SMYD1: variants seen among roughly 807,000 people sequenced by gnomAD.
The protein encoded by SMYD1 is SET and MYND domain containing 1.
In SMYD1, 49 loss-of-function variants were observed where a neutral mutation model predicts 54.0. The observed-to-expected ratio is 0.91, with a 90% CI of 0.72 to 1.15. SMYD1 has a LOEUF of 1.15. Among genes scored for constraint, SMYD1 ranks in the 50% most tolerant of loss-of-function variants. SMYD1 has a pLI of 0.00. For synonymous variants in SMYD1, 269 were observed against 234.2 expected (o/e 1.15, Z -1.36); for missense variants, 653 against 639.6 (o/e 1.02, Z -0.23).
At chr2:88,074,779 A>G (rs1171639932) in intron 1 of SMYD1, among the ~76,000 whole-genome samples, 1 of 152,242 alleles carries the variant, frequency 6.6e-6, no homozygotes, top group Non-Finnish European at 1.5e-5. Flanking sequence ...AGTGGGGAAC[A>G]TGAGAAAAAG....
chr2:88,106,183 A>C (rs1331088290), intron 7 of SMYD1, 142 bp from the exon 8 acceptor site: 1 of 1,135,010 alleles, frequency 8.8e-7, no homozygotes, highest in East Asian at 2.6e-5. Flanking sequence ...TCATACCCCA[A>C]ACCTGTGCTT....
rs762034748 is a variant in SMYD1, at chr2:88,084,493, G to A, written c.314+1G>A. The A allele has an allele frequency of 1.3e-6, 2 of 1,576,036 alleles. No homozygotes were observed. Among genetic ancestry groups the A allele is most frequent in the Non-Finnish European group, 8.7e-7 (1 of 1,149,364 alleles). ...GGAAGGTGCCCAATGAGAACATCAG[G>A]TGAGAGCTGGGCACCCTGGTGGTGC... On this transcript the variant is annotated splice_donor_variant, in intron 2 of 9. Coordinates refer to ENST00000419482, the MANE Select transcript of SMYD1 (RefSeq NM_198274.4). LOFTEE classifies it high-confidence loss of function.
chr2:88,068,922 C>T (rs1055931102), intron 1 of SMYD1, among the ~76,000 whole-genome samples: 1 of 151,998 alleles, frequency 6.6e-6, no homozygotes, highest in Admixed American at 6.6e-5. Flanking sequence ...AATCCTTGAT[C>T]GTGTCTACCT....
At chr2:88,080,155 A>G (rs946779810) in intron 1 of SMYD1, among the ~76,000 whole-genome samples, 5 of 152,302 alleles carry the variant, frequency 3.3e-5, no homozygotes, top group East Asian at 1.9e-4. Context: ...TATGTCTCCA[A>G]TCCTTGTGAT....
At chr2:88,093,796 C>T (rs1191681911) in intron 5 of SMYD1, among the ~76,000 whole-genome samples, 3 of 152,118 alleles carry the variant, frequency 2.0e-5, no homozygotes, top group Admixed American at 2.0e-4. Context: ...GCCTCACTTC[C>T]ACTGCTCTTC....
Position 88,087,855 on chromosome 2 carries a change from C to T in SMYD1, c.315-7C>T. 6.4e-7 allele frequency: 1 copy of T among 1,561,662 alleles called. No individual in the cohort carries two copies. The highest frequency in any genetic ancestry group is 8.7e-7 in the Non-Finnish European group (1 of 1,153,198). On this transcript the variant is annotated splice_region_variant and splice_polypyrimidine_tract_variant and intron_variant, in intron 2 of 9. Coordinates refer to ENST00000419482, the MANE Select transcript of SMYD1 (RefSeq NM_198274.4). ...GTAGTGGCCTCCTGACGCTGCCCTT[C>T]CCACAGGCTGGCGGCGCGCATCATG...
intron 1 of SMYD1, among the ~76,000 whole-genome samples, chr2:88,069,809 A>G (rs1205768524): frequency 6.6e-6 from 1 of 152,218 alleles, no homozygotes; most frequent in African/African-American, 2.4e-5. Context: ...TACTCATTAT[A>G]CAAGCTATTA....
intron 4 of SMYD1, among the ~76,000 whole-genome samples, chr2:88,091,811 C>A (rs528858343): frequency 1.3e-5 from 2 of 152,322 alleles, no homozygotes. Context: ...CTGCAGTGAA[C>A]TATAATCATG....
At chr2:88,084,238 G>C (rs1312808581) in intron 1 of SMYD1, 78 bp from the exon 2 acceptor site, 2 of 1,287,466 alleles carry the variant, frequency 1.6e-6, no homozygotes, top group Non-Finnish European at 2.1e-6. Flanking sequence ...ACCAGTACTG[G>C]AACACAGGTG....
chr2:88,073,262 A>T (rs1289524756), intron 1 of SMYD1, among the ~76,000 whole-genome samples: 4 of 152,202 alleles, frequency 2.6e-5, no homozygotes, highest in Non-Finnish European at 5.9e-5. Flanking sequence ...ACAGCTGTGT[A>T]GTATTACAGG....
chr2:88,113,379 A>G lies in SMYD1; in HGVS notation c.*2867A>G, dbSNP rs1675073720. On this transcript the variant is annotated 3_prime_UTR_variant, in exon 10 of 10. Coordinates refer to ENST00000419482, the MANE Select transcript of SMYD1 (RefSeq NM_198274.4). ...TCCTATTAAATACTTTGTGTTTCCA[A>G]GCAAATAAGTGTGGCTTCTTTCTTT... 6.6e-6 allele frequency: 1 copy of G among 152,208 alleles called. No individual in the cohort carries two copies. The highest frequency in any genetic ancestry group is 2.1e-4 in the South Asian group (1 of 4,832). 9.4% of individuals were successfully genotyped at this position (152,208 alleles called of 1,614,324 possible). A position where few individuals can be genotyped will look rare whatever the true frequency, so the allele number is the denominator to read the frequency against.
At chr2:88,109,288 C>A (rs1674956798) in intron 9 of SMYD1, among the ~76,000 whole-genome samples, 1 of 109,816 alleles carries the variant, frequency 9.1e-6, no homozygotes, top group Admixed American at 8.4e-5. Context: ...ATGCACACAG[C>A]CATTTATATT....
In SMYD1 at chr2:88,110,673, C is replaced by A; in HGVS notation, c.*161C>A. 1 of 838,734 alleles carries A rather than the reference C, an allele frequency of 1.2e-6. No individual in the cohort carries two copies. The highest frequency in any genetic ancestry group is 1.7e-6 in the Non-Finnish European group (1 of 571,846). 52.0% of individuals were successfully genotyped at this position (838,734 alleles called of 1,614,324 possible). A position where few individuals can be genotyped will look rare whatever the true frequency, so the allele number is the denominator to read the frequency against. On this transcript the variant is annotated 3_prime_UTR_variant, in exon 10 of 10. Coordinates refer to ENST00000419482, the MANE Select transcript of SMYD1 (RefSeq NM_198274.4). ...TATGTTTCCCAGAGCCATTTTGGCT[C>A]AATTCAAGTCTATTCAATTCAAGTT...
chr2:88,086,667 T>G (rs1674333601), intron 2 of SMYD1, among the ~76,000 whole-genome samples: 1 of 152,166 alleles, frequency 6.6e-6, no homozygotes, highest in Admixed American at 6.5e-5. Context: ...CTTCTCCACT[T>G]TCTCACTCCC....
chr2:88,108,470 G>T lies in SMYD1; in HGVS notation c.1245G>T (p.Met415Ile). The part of the protein sequence containing the change: ...HAGNIEVGHG[M>I]ICKAYAILLV... Reference sequence around the variant, plus strand: ...GTAACATTGAGGTGGGGCACGGGATGATCTGCAAAGCCTATGCCATTCTCC... The same window carrying T: ...GTAACATTGAGGTGGGGCACGGGATTATCTGCAAAGCCTATGCCATTCTCC... Residue 415 changes from methionine to isoleucine, a missense_variant, in exon 9 of 10, where the codon ATG becomes ATT. Physicochemically the swap from Met to Ile is conservative, Grantham distance 10. Transcript: ENST00000419482. The T allele has an allele frequency of 6.2e-7, 1 of 1,612,670 alleles. No homozygotes were observed. Among genetic ancestry groups the T allele is most frequent in the Non-Finnish European group, 8.5e-7 (1 of 1,179,456 alleles).
At chr2:88,104,522 T>C (rs1389930841) in intron 7 of SMYD1, among the ~76,000 whole-genome samples, 1 of 152,218 alleles carries the variant, frequency 6.6e-6, no homozygotes, top group African/African-American at 2.4e-5. Flanking sequence ...TCCTGTTCGT[T>C]TCTTCTCCTT....
At chr2:88,109,481 G>A (rs1432286819) in intron 9 of SMYD1, among the ~76,000 whole-genome samples, 1 of 152,174 alleles carries the variant, frequency 6.6e-6, no homozygotes, top group Non-Finnish European at 1.5e-5. Context: ...GCGTGTTCAT[G>A]AGTCAATGTG....
chr2:88,107,017 G>T (rs1394481269), intron 8 of SMYD1, among the ~76,000 whole-genome samples: 1 of 152,006 alleles, frequency 6.6e-6, no homozygotes. Context: ...CGGCTAACAT[G>T]GTGAAACCCC....
At chr2:88,104,067 C>T (rs189668608) in intron 7 of SMYD1, among the ~76,000 whole-genome samples, 8 of 151,560 alleles carry the variant, frequency 5.3e-5, no homozygotes, top group East Asian at 2.0e-4. Context: ...CCCAGGTTCA[C>T]GCCATTCTCC....
Sources: allele counts gnomAD v4.1 joint callset (sites outside exome capture counted in the v4.1 genomes callset), GRCh38; gene constraint gnomAD v4.1.1; transcripts MANE v1.5; gene names NCBI Gene and HGNC (gene_info 2026-07-23, HGNC 2026-07-21).